Variants in CEP128 observed in about 807,000 individuals in gnomAD.
CEP128 encodes centrosomal protein 128kDa.
In CEP128, 132 loss-of-function variants were observed where a neutral mutation model predicts 156.7. The ratio of observed to expected loss-of-function variants is 0.84; its 90% CI spans 0.73 to 0.97. The LOEUF (loss-of-function observed/expected upper bound fraction) is 0.97, where lower values mean the gene tolerates loss of function less well. Among genes scored for constraint, CEP128 ranks in the 50% least tolerant of loss-of-function variants. The pLI, the probability that CEP128 is intolerant of heterozygous loss-of-function variation, is 0.00. For synonymous variants in CEP128, 469 were observed against 448.9 expected (o/e 1.04, Z -0.57); for missense variants, 1,252 against 1,281.9 (o/e 0.98, Z 0.36).
chr14:80,938,264 T>TTTTTTG (rs1885938599), intron 2 of CEP128, among the ~76,000 whole-genome samples: 1 of 146,906 alleles, frequency 6.8e-6, no homozygotes, highest in Non-Finnish European at 1.5e-5. Context: ...TTTTTTTTTT[T>TTTTTTG]GAGACAGAGT....
At chr14:80,775,314 C>T (rs74564642) in intron 16 of CEP128, among the ~76,000 whole-genome samples, 7,303 of 152,200 alleles carry the variant, frequency 0.048, 357 homozygotes, top group South Asian at 0.23. Context: ...AGAGAAAGTC[C>T]CTATCTGTAG....
chr14:80,885,692 A>C (rs1450647470), intron 8 of CEP128, among the ~76,000 whole-genome samples: 1 of 152,174 alleles, frequency 6.6e-6, no homozygotes, highest in Non-Finnish European at 1.5e-5. Flanking sequence ...AAAAATACTG[A>C]AAATTCCAAA....
intron 9 of CEP128, among the ~76,000 whole-genome samples, chr14:80,855,658 C>T (rs1185854541): frequency 6.6e-6 from 1 of 151,854 alleles, no homozygotes. Flanking sequence ...AAAAGGTAAG[C>T]AAAGGCGAGT....
At chr14:80,699,734 T>C (rs1235006449) in intron 19 of CEP128, among the ~76,000 whole-genome samples, 1 of 152,160 alleles carries the variant, frequency 6.6e-6, no homozygotes, top group Non-Finnish European at 1.5e-5. Context: ...ACTTCCCAGA[T>C]TGCTATCTTA....
At chr14:80,880,726 G>A (rs1391907750) in intron 8 of CEP128, among the ~76,000 whole-genome samples, 13 of 150,548 alleles carry the variant, frequency 8.6e-5, no homozygotes, top group African/African-American at 3.2e-4. Context: ...AGCCGGGCAT[G>A]GTGGTGGGCG....
chr14:80,683,994 TAGAA>T (rs1896425609), intron 19 of CEP128, among the ~76,000 whole-genome samples: 1 of 151,936 alleles, frequency 6.6e-6, no homozygotes, highest in Non-Finnish European at 1.5e-5. Context: ...CTCAAAAAGT[TAGAA>T]AGATCTCAAA....
At chr14:80,492,197 G>A (rs373083813), downstream of CEP128, among the ~76,000 whole-genome samples, 1 of 152,178 alleles carries the variant, frequency 6.6e-6, no homozygotes, top group Non-Finnish European at 1.5e-5. Flanking sequence ...GCTATAAGGT[G>A]ATGAAGGTGA....
At chr14:80,874,970 T>C (rs1888211207) in intron 8 of CEP128, among the ~76,000 whole-genome samples, 1 of 152,162 alleles carries the variant, frequency 6.6e-6, no homozygotes, top group Non-Finnish European at 1.5e-5. Context: ...TAAGGAAATA[T>C]AAGAATAACA....
chr14:80,565,120 G>A (rs147450846), intron 20 of CEP128, among the ~76,000 whole-genome samples: 1 of 152,170 alleles, frequency 6.6e-6, no homozygotes, highest in African/African-American at 2.4e-5. Flanking sequence ...CTGGCTTCCA[G>A]AGTCTGAACC....
intron 13 of CEP128, among the ~76,000 whole-genome samples, chr14:80,828,162 C>T (rs1250492600): frequency 5.2e-5 from 7 of 135,396 alleles, no homozygotes; most frequent in African/African-American, 8.8e-5. Context: ...CTCACTCTGT[C>T]GCCCATTCTG....
chr14:80,583,690 G>A (rs937238045), intron 19 of CEP128, among the ~76,000 whole-genome samples: 14 of 152,210 alleles, frequency 9.2e-5, no homozygotes, highest in Non-Finnish European at 1.5e-4. Flanking sequence ...AGAATTGCTT[G>A]AGGACTACAT....
chr14:80,855,006 A>C (rs1009887335), intron 9 of CEP128, among the ~76,000 whole-genome samples: 1 of 152,218 alleles, frequency 6.6e-6, no homozygotes, highest in Non-Finnish European at 1.5e-5. Flanking sequence ...AAAAATAGTC[A>C]ATGGGATTAA....
intron 8 of CEP128, among the ~76,000 whole-genome samples, chr14:80,863,395 T>A (rs1158587255): frequency 6.6e-6 from 1 of 152,116 alleles, no homozygotes; most frequent in African/African-American, 2.4e-5. Context: ...CTGCTAAAAA[T>A]AAAACAAGCT....
chr14:80,954,026 T>C (rs1001168145), intron 2 of CEP128, among the ~76,000 whole-genome samples: 3 of 152,022 alleles, frequency 2.0e-5, no homozygotes, highest in Admixed American at 1.3e-4. Context: ...TCCCAGCACT[T>C]TGGGAGGCCG....
In CEP128 at chr14:80,761,528, T is replaced by A. The variant is rs747161258; in HGVS notation, c.2462A>T (p.Glu821Val). 1.2e-6 allele frequency: 2 copies of A among 1,612,994 alleles called. No homozygotes were observed. Among genetic ancestry groups the A allele is most frequent in the Admixed American group, 3.3e-5 (2 of 60,006 alleles). ...LQLKDQLLCL[E>V]TEQESILGVI... ...ACCAAGAATGGATTCCTGTTCAGTC[T>A]CCAAGCAAAGAAGTTGATCCTTGAG... The change falls in exon 17 of 25, where the codon GAG (glutamate) becomes GTG (valine). Residue 821 changes from glutamate (E) to valine (V), a missense_variant. Coordinates refer to ENST00000555265, the MANE Select transcript of CEP128 (RefSeq NM_152446.5).
intron 23 of CEP128, among the ~76,000 whole-genome samples, chr14:80,506,565 A>G (rs983933098): frequency 1.3e-5 from 2 of 152,026 alleles, no homozygotes; most frequent in Non-Finnish European, 2.9e-5. Flanking sequence ...CAAAAATTCC[A>G]TATCTGTGGG....
upstream of CEP128, chr14:80,941,794 G>T (rs1379417987): frequency 2.0e-5 from 3 of 152,704 alleles, no homozygotes; most frequent in Non-Finnish European, 2.9e-5. Flanking sequence ...TGGCCCTCTG[G>T]GAGTTGTAGT....
chr14:80,607,529 T>C (rs1217428751), intron 19 of CEP128, among the ~76,000 whole-genome samples: 1 of 152,188 alleles, frequency 6.6e-6, no homozygotes, highest in African/African-American at 2.4e-5. Context: ...ACAATAAATG[T>C]AAAAGTCTTG....
At chr14:80,572,751 G>A (rs1218440579) in intron 20 of CEP128, among the ~76,000 whole-genome samples, 1 of 152,146 alleles carries the variant, frequency 6.6e-6, no homozygotes, top group African/African-American at 2.4e-5. Flanking sequence ...AAGCCCCAAT[G>A]CCCATGGAGC....
Sources: allele counts gnomAD v4.1 joint callset (sites outside exome capture counted in the v4.1 genomes callset), GRCh38; gene constraint gnomAD v4.1.1; transcripts MANE v1.5; gene names NCBI Gene and HGNC (gene_info 2026-07-23, HGNC 2026-07-21).